CTNND2: variants seen among roughly 807,000 people sequenced by gnomAD.
The protein encoded by CTNND2 is catenin delta-2.
A neutral mutation model predicts 144.4 loss-of-function variants in CTNND2; 22 were observed. The observed-to-expected ratio is 0.15, with a 90% confidence interval of 0.11 to 0.22. The LOEUF (loss-of-function observed/expected upper bound fraction) is 0.22, where lower values mean the gene tolerates loss of function less well. Among genes scored for constraint, CTNND2 ranks in the 10% least tolerant of loss-of-function variants. The probability of loss-of-function intolerance (pLI) is 1.00; values close to 1 mark genes in which losing one functional copy is unlikely to be tolerated. For missense variants in CTNND2, 1,353 were observed against 1,618.8 expected (o/e 0.84, Z 2.82); for synonymous variants, 751 against 695.6 (o/e 1.08, Z -1.25).
At chr5:11,797,431 T>C (rs1353462611) in intron 1 of CTNND2, among the ~76,000 whole-genome samples, 1 of 152,164 alleles carries the variant, frequency 6.6e-6, no homozygotes, top group Admixed American at 6.5e-5. Context: ...AGTTTCAGGG[T>C]TCAGTGGTAT....
intron 2 of CTNND2, among the ~76,000 whole-genome samples, chr5:11,601,116 A>G (rs918580097): frequency 1.3e-5 from 2 of 152,214 alleles, no homozygotes; most frequent in Non-Finnish European, 2.9e-5. Context: ...ATGTATAACT[A>G]AGGACTATGC....
chr5:11,079,019 T>G (rs994903956), intron 16 of CTNND2, among the ~76,000 whole-genome samples: 9 of 152,198 alleles, frequency 5.9e-5, no homozygotes, highest in Non-Finnish European at 1.0e-4. Context: ...CTGCAAATAT[T>G]ATGGTTTTTC....
chr5:11,119,446 T>C (rs777902928), intron 12 of CTNND2, among the ~76,000 whole-genome samples: 9 of 152,254 alleles, frequency 5.9e-5, no homozygotes, highest in Non-Finnish European at 1.2e-4. Context: ...CATTTTTATG[T>C]AAAATTTTAT....
At chr5:11,679,319 C>A (rs1415376217) in intron 2 of CTNND2, among the ~76,000 whole-genome samples, 1 of 152,156 alleles carries the variant, frequency 6.6e-6, no homozygotes, top group Non-Finnish European at 1.5e-5. Flanking sequence ...TACTGAGTAC[C>A]TATATGGGCC....
chr5:11,844,823 T>C (rs973640283), intron 1 of CTNND2, among the ~76,000 whole-genome samples: 12 of 152,128 alleles, frequency 7.9e-5, no homozygotes, highest in Admixed American at 3.9e-4. Context: ...CTAAGTCACA[T>C]TAATATTGTT....
rs140759165 is a variant in CTNND2, at chr5:11,762,454, T to C, written c.38-30182A>G. On this transcript the variant is annotated intron_variant, in intron 1 of 21. Coordinates refer to ENST00000304623, the MANE Select transcript of CTNND2 (RefSeq NM_001332.4). ...CCAAAATGAAGTACCTGGCACAAAA[T>C]AGACCTCATATGTGCATATGAAACA... Among the ~76,000 whole-genome samples the C allele has an allele frequency of 3.8e-3, 577 of 152,254 alleles. 15 individuals are homozygous for C. In the South Asian group the frequency reaches 0.066, roughly 17 times the overall value.
intron 1 of CTNND2, among the ~76,000 whole-genome samples, chr5:11,864,882 CCTTTTTTTT>C (rs1263671676): frequency 8.6e-6 from 1 of 116,252 alleles, no homozygotes; most frequent in Admixed American, 1.2e-4. Flanking sequence ...TCTTCTTCTT[CCTTTTTTTT>C]TTTTTTTTTT....
At chr5:11,312,515 C>T (rs1037683136) in intron 9 of CTNND2, among the ~76,000 whole-genome samples, 8 of 152,046 alleles carry the variant, frequency 5.3e-5, no homozygotes, top group South Asian at 4.1e-4. Context: ...TTCACTATCA[C>T]GAGAATAGGA....
chr5:11,443,362 T>G (rs1465370740), intron 3 of CTNND2, among the ~76,000 whole-genome samples: 4 of 43,426 alleles, frequency 9.2e-5, no homozygotes, highest in Non-Finnish European at 1.6e-4. Context: ...GGAGGGTGTG[T>G]GGGGGGGTGT....
intron 3 of CTNND2, among the ~76,000 whole-genome samples, chr5:11,454,015 C>G (rs1196513845): frequency 6.6e-6 from 1 of 152,272 alleles, no homozygotes; most frequent in South Asian, 2.1e-4. Context: ...TTAAAAAGAA[C>G]AACAGGCAGA....
At chr5:11,042,716 G>A (rs1744807117) in intron 16 of CTNND2, among the ~76,000 whole-genome samples, 1 of 152,180 alleles carries the variant, frequency 6.6e-6, no homozygotes, top group Admixed American at 6.5e-5. Flanking sequence ...TGGTTCACCA[G>A]GGTCTGATTT....
chr5:11,082,925 C>T (rs757062540), intron 15 of CTNND2, 79 bp from the exon 16 acceptor site: 10 of 1,521,434 alleles, frequency 6.6e-6, no homozygotes, highest in Non-Finnish European at 8.0e-6. Flanking sequence ...CGTTTTCAGG[C>T]GGCTGCTTAC....
chr5:11,113,171 A>T (rs963949036), intron 13 of CTNND2, among the ~76,000 whole-genome samples: 2 of 152,108 alleles, frequency 1.3e-5, no homozygotes, highest in Non-Finnish European at 2.9e-5. Context: ...AAGCAAAAAA[A>T]ACACCAGTAT....
chr5:11,748,598 C>G (rs573530156), intron 1 of CTNND2, among the ~76,000 whole-genome samples: 1 of 152,164 alleles, frequency 6.6e-6, no homozygotes, highest in South Asian at 2.1e-4. Flanking sequence ...ATTACCCTGT[C>G]AAGCAAAATT....
chr5:11,009,456 A>C (rs1433970510), intron 18 of CTNND2, among the ~76,000 whole-genome samples: 2 of 152,240 alleles, frequency 1.3e-5, no homozygotes, highest in East Asian at 3.8e-4. Context: ...CTGTCTCTCA[A>C]GCACACCGAG....
At chr5:11,131,569 C>T (rs1028469088) in intron 12 of CTNND2, among the ~76,000 whole-genome samples, 1 of 152,136 alleles carries the variant, frequency 6.6e-6, no homozygotes, top group African/African-American at 2.4e-5. Flanking sequence ...TGGCGGATAA[C>T]GAGGTCAGGA....
chr5:11,125,866 G>C (rs1424670706), intron 12 of CTNND2, among the ~76,000 whole-genome samples: 1 of 152,160 alleles, frequency 6.6e-6, no homozygotes. Context: ...TTTTCCACTC[G>C]TATTAATGAA....
chr5:11,454,436 A>G (rs568010789), intron 3 of CTNND2, among the ~76,000 whole-genome samples: 2 of 152,272 alleles, frequency 1.3e-5, no homozygotes, highest in South Asian at 4.1e-4. Context: ...AAAAATAAGT[A>G]AATAATAAAA....
At chr5:11,217,892 T>C (rs1466790334) in intron 10 of CTNND2, among the ~76,000 whole-genome samples, 1 of 152,218 alleles carries the variant, frequency 6.6e-6, no homozygotes, top group Non-Finnish European at 1.5e-5. Flanking sequence ...AAGCAGTTTG[T>C]GGATCTTAGG....
Sources: gnomAD v4.1 joint callset for allele counts (sites outside exome capture counted in the v4.1 genomes callset) on GRCh38, gnomAD v4.1.1 for gene constraint, MANE v1.5 for transcripts, NCBI Gene and HGNC (gene_info 2026-07-23, HGNC 2026-07-21) for gene names.